Variants in RPSA2 observed in about 807,000 individuals in gnomAD.
RPSA2 encodes the protein ribosomal protein SA 2.
At chr19:23,847,945 C>G in the RPSA2 span, among the ~76,000 whole-genome samples, 1 of 152,060 alleles carries the variant, frequency 6.6e-6, no homozygotes, top group Admixed American at 6.5e-5. Context: ...CTCTTTTTGC[C>G]TGACCCCGCA....
chr19:23,838,263 A>G, the RPSA2 span, among the ~76,000 whole-genome samples: 2 of 150,144 alleles, frequency 1.3e-5, no homozygotes, highest in Admixed American at 1.3e-4. Flanking sequence ...GTGTGTGTTA[A>G]ACCATCCCTG....
chr19:23,807,991 C>T, the RPSA2 span: 1 of 231,806 alleles, frequency 4.3e-6, no homozygotes. Flanking sequence ...GGTTTCATTT[C>T]TCTTTTGTAG....
the RPSA2 span, among the ~76,000 whole-genome samples, chr19:23,803,296 G>A: frequency 6.6e-6 from 1 of 152,040 alleles, no homozygotes; most frequent in Non-Finnish European, 1.5e-5. Flanking sequence ...AGAGTTTTGG[G>A]TGATGCATCC....
At chr19:23,783,259 C>T in the RPSA2 span, among the ~76,000 whole-genome samples, 2 of 151,940 alleles carry the variant, frequency 1.3e-5, no homozygotes, top group African/African-American at 4.8e-5. Flanking sequence ...CCACTCCCAC[C>T]TAATTTTGTA....
the RPSA2 span, among the ~76,000 whole-genome samples, chr19:23,838,354 T>A: frequency 9.2e-5 from 14 of 152,304 alleles, no homozygotes; most frequent in East Asian, 2.7e-3. Context: ...TTGTTAAGGA[T>A]TTTAGCATTA....
the RPSA2 span, among the ~76,000 whole-genome samples, chr19:23,806,301 C>A: frequency 2.6e-5 from 4 of 151,986 alleles, no homozygotes; most frequent in East Asian, 7.8e-4. Flanking sequence ...CCTCAGCCTC[C>A]CAAAGTGCTG....
the RPSA2 span, among the ~76,000 whole-genome samples, chr19:23,795,789 T>A: frequency 0.42 from 64,097 of 152,078 alleles, 14,388 homozygotes; most frequent in Non-Finnish European, 0.52. Flanking sequence ...TTTTCCTTTA[T>A]TTTTGAGATA....
chr19:23,830,010 C>T, the RPSA2 span, among the ~76,000 whole-genome samples: 1 of 149,454 alleles, frequency 6.7e-6, no homozygotes, highest in East Asian at 2.0e-4. Context: ...AGGGCATATG[C>T]AGTTCCAATA....
the RPSA2 span, among the ~76,000 whole-genome samples, chr19:23,764,019 A>T: frequency 3.9e-5 from 6 of 152,200 alleles, no homozygotes; most frequent in African/African-American, 1.4e-4. Flanking sequence ...TTGCAGGTTT[A>T]TGATTGGTTA....
At chr19:23,778,663 G>A in the RPSA2 span, among the ~76,000 whole-genome samples, 148,842 of 152,168 alleles carry the variant, frequency 0.98, 72,888 homozygotes, top group Middle Eastern at 1. Flanking sequence ...CACAAGTGAT[G>A]CGATTCTTCT....
the RPSA2 span, among the ~76,000 whole-genome samples, chr19:23,813,655 T>G: frequency 6.6e-6 from 1 of 151,826 alleles, no homozygotes; most frequent in Admixed American, 6.6e-5. Context: ...ATTTTATTTT[T>G]AATTATAAGA....
the RPSA2 span, among the ~76,000 whole-genome samples, chr19:23,866,989 C>A: frequency 1.3e-5 from 2 of 152,062 alleles, no homozygotes; most frequent in Non-Finnish European, 2.9e-5. Flanking sequence ...TGTTTTTGAA[C>A]CAGGGGAATA....
chr19:23,761,076 G>T, the RPSA2 span, among the ~76,000 whole-genome samples: 3 of 74,012 alleles, frequency 4.1e-5, no homozygotes, highest in Non-Finnish European at 7.7e-5. Flanking sequence ...GTTTGTGTGT[G>T]TGTATATATA....
the RPSA2 span, among the ~76,000 whole-genome samples, chr19:23,836,616 G>C: frequency 6.6e-6 from 1 of 152,126 alleles, no homozygotes; most frequent in African/African-American, 2.4e-5. Context: ...TGACTGTACT[G>C]GTTGACATTC....
chr19:23,822,863 T>C, the RPSA2 span, among the ~76,000 whole-genome samples: 5 of 152,176 alleles, frequency 3.3e-5, no homozygotes, highest in Admixed American at 3.3e-4. Flanking sequence ...CTCCTGTCTT[T>C]CCTGTGGCTT....
the RPSA2 span, among the ~76,000 whole-genome samples, chr19:23,858,550 T>G: frequency 7.2e-5 from 11 of 152,204 alleles, no homozygotes; most frequent in African/African-American, 2.4e-4. Context: ...AAGTCCTTGG[T>G]AAAGTTTCCC....
At chr19:23,844,456 A>G in the RPSA2 span, among the ~76,000 whole-genome samples, 1 of 152,140 alleles carries the variant, frequency 6.6e-6, no homozygotes, top group African/African-American at 2.4e-5. Context: ...ATCTGAGATT[A>G]AGCATACTCA....
At chr19:23,799,142 G>C in the RPSA2 span, 4 of 152,200 alleles carry the variant, frequency 2.6e-5, no homozygotes, top group Admixed American at 6.5e-5. Context: ...TTTTCTGGCT[G>C]ACTTGATCAA....
the RPSA2 span, chr19:23,798,967 G>C: frequency 2.1e-4 from 32 of 152,228 alleles, no homozygotes; most frequent in African/African-American, 7.7e-4. Context: ...TTTGAATATA[G>C]ATTCTGCATT....
Sources: allele counts gnomAD v4.1 joint callset (sites outside exome capture counted in the v4.1 genomes callset), GRCh38; gene constraint gnomAD v4.1.1; transcripts MANE v1.5; gene names NCBI Gene and HGNC (gene_info 2026-07-23, HGNC 2026-07-21).